The following BZW1 variants were observed in gnomAD, a reference collection of about 807,000 sequenced individuals.
The protein encoded by BZW1 is basic leucine zipper and W2 domains 1.
BZW1 carries 3 observed loss-of-function variants against 54.1 expected under a neutral mutation model. The observed-to-expected ratio is 0.06, with a 90% CI of 0.03 to 0.14. The LOEUF (loss-of-function observed/expected upper bound fraction) is 0.14. Ranked by LOEUF, BZW1 falls within the 10% of genes least tolerant of loss-of-function variation. The pLI, the probability that BZW1 is intolerant of heterozygous loss-of-function variation, is 1.00. For missense variants in BZW1, 206 were observed against 491.7 expected, an observed-to-expected ratio of 0.42 and a Z score of 5.50; for synonymous variants, 152 against 162.7, an observed-to-expected ratio of 0.93 and a Z score of 0.50.
rs367742415 is a variant in BZW1, at chr2:200,822,338, A to G, written c.*160A>G. The G allele has an allele frequency of 4.8e-4, 283 of 586,460 alleles. 2 individuals are homozygous for G. The East Asian group carries it at 7.4e-3, about 15-fold the overall frequency. 36.3% of individuals were successfully genotyped at this position (586,460 alleles called of 1,614,324 possible). ...TTAACTGTTTCTATGGTTGCTGGAA[A>G]TGTTGGGTTTAGTTTCTAAAACCAT... is the stretch of plus-strand genomic sequence containing the variant. On this transcript the variant is annotated 3_prime_UTR_variant, in exon 12 of 12. Coordinates refer to ENST00000409600, the MANE Select transcript of BZW1 (RefSeq NM_001207067.2).
At position 200,825,796 on chromosome 2, in the gene BZW1, G is replaced by A. The variant is rs1016423537; in HGVS notation, c.*3618G>A. ...TGCTTGCAGGAACTGACAACTATTG[G>A]TTGGCTTTAAATGTAATGTAGATGC... On this transcript the variant is annotated 3_prime_UTR_variant, in exon 12 of 12. Transcript: ENST00000409600. 2 of 152,196 alleles carry A rather than the reference G, an allele frequency of 1.3e-5. No individual in the cohort carries two copies. Among genetic ancestry groups the A allele is most frequent in the South Asian group, 2.1e-4 (1 of 4,826 alleles). 9.4% of individuals were successfully genotyped at this position (152,196 alleles called of 1,614,324 possible). A position where few individuals can be genotyped will look rare whatever the true frequency, so the allele number is the denominator to read the frequency against.
intron 6 of BZW1, 31 bp from the exon 7 acceptor site, chr2:200,817,943 C>A: frequency 6.9e-7 from 1 of 1,452,280 alleles, no homozygotes; most frequent in Non-Finnish European, 9.4e-7. Flanking sequence ...AGGGAAGGTA[C>A]TTCTGTTAAT....
intron 5 of BZW1, among the ~76,000 whole-genome samples, chr2:200,816,602 G>A (rs960067509): frequency 3.3e-5 from 5 of 151,982 alleles, no homozygotes; most frequent in Admixed American, 1.3e-4. Context: ...AGCGATTCTC[G>A]TGCCTCAGCC....
chr2:200,812,477 C>G, intron 1 of BZW1: 1 of 1,335,108 alleles, frequency 7.5e-7, no homozygotes, highest in South Asian at 2.0e-5. Context: ...GCGGCGGCCG[C>G]CACCGCAGGC....
At chr2:200,821,451 G>A (rs2038506486) in intron 11 of BZW1, 146 bp downstream of exon 11, 1 of 886,854 alleles carries the variant, frequency 1.1e-6, no homozygotes, top group South Asian at 2.0e-5. Context: ...GAAAGCTAGA[G>A]TTTAATTATT....
chr2:200,817,649 T>G (rs1480429302), intron 6 of BZW1, among the ~76,000 whole-genome samples: 2 of 152,186 alleles, frequency 1.3e-5, no homozygotes, highest in African/African-American at 4.8e-5. Context: ...AGCTTTTTTT[T>G]TTTTAAAAAA....
intron 5 of BZW1, 72 bp from the exon 6 acceptor site, chr2:200,817,034 T>G: frequency 6.5e-7 from 1 of 1,538,126 alleles, no homozygotes; most frequent in Non-Finnish European, 8.8e-7. Flanking sequence ...GTAGCCAGTA[T>G]AACATGCTTT....
chr2:200,812,859 C>T (rs2038138205), intron 1 of BZW1: 2 of 657,400 alleles, frequency 3.0e-6, no homozygotes, highest in Middle Eastern at 2.4e-4. Flanking sequence ...TCTTTGCGTT[C>T]TGCGATGCTT....
At chr2:200,817,018 G>T in intron 5 of BZW1, 88 bp from the exon 6 acceptor site, 1 of 1,468,048 alleles carries the variant, frequency 6.8e-7, no homozygotes, top group South Asian at 1.3e-5. Flanking sequence ...CCCACGTATT[G>T]AACAGGTAGC....
In BZW1 at chr2:200,825,372, A is replaced by T. The variant is rs12996585; in HGVS notation, c.*3194A>T. On this transcript the variant is annotated 3_prime_UTR_variant, in exon 12 of 12. Coordinates refer to ENST00000409600, the MANE Select transcript of BZW1 (RefSeq NM_001207067.2). ...CATGCCCAACCAATTTTTTTTTTTT[A>T]AATCCTTGGTAGTGATTGACCCCCA... 101,629 of 150,776 alleles carry T rather than the reference A, an allele frequency of 0.67. 34,596 individuals are homozygous for T. The highest frequency in any genetic ancestry group is 0.72 in the Non-Finnish European group (48,849 of 67,622). The allele number at this position is 150,776 out of a possible 1,614,324, so 9.3% of individuals were successfully genotyped here.
upstream of BZW1, chr2:200,811,633 C>T (rs1306460867): frequency 6.6e-6 from 1 of 152,284 alleles, no homozygotes; most frequent in Admixed American, 6.5e-5. Context: ...CGGCTCCGCT[C>T]TTCCAACCCC....
chr2:200,812,336 G>A (rs1239309570), intron 1 of BZW1: 2 of 1,264,120 alleles, frequency 1.6e-6, no homozygotes, highest in Non-Finnish European at 2.0e-6. Context: ...CCGGCGGGCG[G>A]GGCGGAGGGG....
chr2:200,820,204 A>T (rs923010430), intron 10 of BZW1, 84 bp downstream of exon 10: 1 of 1,214,060 alleles, frequency 8.2e-7, no homozygotes, highest in Non-Finnish European at 1.1e-6. Context: ...AGTTATCTGG[A>T]CATCAGCTCC....
chr2:200,818,526 A>C, intron 8 of BZW1, 133 bp downstream of exon 8: 1 of 1,147,316 alleles, frequency 8.7e-7, no homozygotes, highest in Non-Finnish European at 1.2e-6. Context: ...ACTTTGCCTC[A>C]TTCTTTTGCA....
At position 200,825,051 on chromosome 2, in the gene BZW1, A is replaced by C. The variant is rs2038656504; in HGVS notation, c.*2873A>C. The C allele has an allele frequency of 6.6e-6, 1 of 152,010 alleles. No individual in the cohort carries two copies. The highest frequency in any genetic ancestry group is 6.6e-5 in the Admixed American group (1 of 15,232). 9.4% of individuals were successfully genotyped at this position (152,010 alleles called of 1,614,324 possible). ...TATGTACTGTTTCTGTGCTTTGTAC[A>C]TGAAAAGAGTAAAATGTTTTTGTTT... On this transcript the variant is annotated 3_prime_UTR_variant, in exon 12 of 12. Transcript: ENST00000409600.
chr2:200,823,627 T>C lies in BZW1; in HGVS notation c.*1449T>C, dbSNP rs1251198911. 2.0e-5 allele frequency: 3 copies of C among 152,534 alleles called. No homozygotes were observed. Among genetic ancestry groups the C allele is most frequent in the African/African-American group, 7.2e-5 (3 of 41,398 alleles). 9.4% of individuals were successfully genotyped at this position (152,534 alleles called of 1,614,324 possible). ...TTGAGGGAATAACATGTAATATAAT[T>C]TGAAATAAAGGTATAGTAACCTTAA... On this transcript the variant is annotated 3_prime_UTR_variant, in exon 12 of 12. Transcript: ENST00000409600.
In BZW1 at chr2:200,826,428, T is replaced by A. The variant is rs2038703232; in HGVS notation, c.*4250T>A. 8.3e-6 allele frequency: 1 copy of A among 120,940 alleles called. No individual in the cohort carries two copies. The highest frequency in any genetic ancestry group is 1.8e-5 in the Non-Finnish European group (1 of 56,542). The allele number at this position is 120,940 out of a possible 1,614,324, so 7.5% of individuals were successfully genotyped here. A position where few individuals can be genotyped will look rare whatever the true frequency, so the allele number is the denominator to read the frequency against. ...AGATATTTTTTTTTTTTTTTTTTTT[T>A]TTTTTTTTTTTTTTGAGACAGAGTC... On this transcript the variant is annotated 3_prime_UTR_variant, in exon 12 of 12. Transcript: ENST00000409600.
At chr2:200,818,935 T>C (rs1265903937) in intron 9 of BZW1, 34 bp downstream of exon 9, 1 of 1,522,998 alleles carries the variant, frequency 6.6e-7, no homozygotes, top group African/African-American at 1.4e-5. Context: ...AACAAACTAT[T>C]CTGCTTTCAC....
chr2:200,812,776 G>A (rs1342541599), intron 1 of BZW1: 9 of 708,932 alleles, frequency 1.3e-5, no homozygotes, highest in Admixed American at 4.0e-5. Context: ...TCAGAAGAAG[G>A]GGTTCACCTT....
Sources: gnomAD v4.1 joint callset for allele counts (sites outside exome capture counted in the v4.1 genomes callset) on GRCh38, gnomAD v4.1.1 for gene constraint, MANE v1.5 for transcripts, NCBI Gene and HGNC (gene_info 2026-07-23, HGNC 2026-07-21) for gene names.